Variants in CALB1 observed in about 807,000 individuals in gnomAD.
CALB1 encodes calbindin 1, also known as calbindin.
A neutral mutation model predicts 46.7 loss-of-function variants in CALB1; 16 were observed. That is an observed-to-expected ratio of 0.34 (90% CI 0.23 to 0.52). The LOEUF is 0.52. CALB1 is among the 20% of genes least tolerant of loss of function. The pLI is 0.95. For missense variants in CALB1, 224 were observed against 300.3 expected, an observed-to-expected ratio of 0.75 and a Z score of 1.88; for synonymous variants, 90 against 112.8, an observed-to-expected ratio of 0.80 and a Z score of 1.28.
intron 9 of CALB1, chr8:90,062,890 T>A (rs956262946): frequency 6.4e-6 from 3 of 465,590 alleles, no homozygotes; most frequent in Non-Finnish European, 1.1e-5. Context: ...TAGAATGTTA[T>A]TGCCAGGGCT....
chr8:90,082,879 T>C lies in CALB1; in HGVS notation c.-182A>G, dbSNP rs1429326683. The C allele has an allele frequency of 6.5e-6, 4 of 615,620 alleles. No homozygotes were observed. The highest frequency in any genetic ancestry group is 1.9e-5 in the South Asian group (1 of 51,906). 38.1% of individuals were successfully genotyped at this position (615,620 alleles called of 1,614,324 possible). On this transcript the variant is annotated 5_prime_UTR_variant, in exon 1 of 11. Coordinates refer to ENST00000265431, the MANE Select transcript of CALB1 (RefSeq NM_004929.4). ...CAGCGTTCCTCCAGAGTTCTCTCCCTACACCCCGCACCCAGTTCTCAGTAT... is the reference window on the plus strand; with the variant it reads ...CAGCGTTCCTCCAGAGTTCTCTCCCCACACCCCGCACCCAGTTCTCAGTAT...
At chr8:90,079,744 A>G (rs1814692833) in intron 2 of CALB1, among the ~76,000 whole-genome samples, 1 of 152,012 alleles carries the variant, frequency 6.6e-6, no homozygotes, top group Non-Finnish European at 1.5e-5. Context: ...CAAAGACCAA[A>G]CACTATGTTT....
At chr8:90,068,919 T>A in intron 5 of CALB1, 79 bp downstream of exon 5, 1 of 1,038,456 alleles carries the variant, frequency 9.6e-7, no homozygotes. Context: ...TTGTGGGAGG[T>A]TTTTTAAAAA....
At chr8:90,067,864 C>T (rs1326976787) in intron 5 of CALB1, among the ~76,000 whole-genome samples, 1 of 152,172 alleles carries the variant, frequency 6.6e-6, no homozygotes, top group Non-Finnish European at 1.5e-5. Context: ...TCAAATCTCT[C>T]TGCATTCCAA....
intron 3 of CALB1, among the ~76,000 whole-genome samples, chr8:90,070,133 G>C (rs1380703628): frequency 6.6e-6 from 1 of 152,072 alleles, no homozygotes; most frequent in Non-Finnish European, 1.5e-5. Context: ...GCAACCCCGA[G>C]CCATTTCTGG....
rs1814267982 is a variant in CALB1, at chr8:90,060,140, T to C, written c.*33A>G. 2 of 1,183,552 alleles carry C rather than the reference T, an allele frequency of 1.7e-6. No homozygotes were observed. The highest frequency in any genetic ancestry group is 2.5e-6 in the Non-Finnish European group (2 of 787,498). The allele number at this position is 1,183,552 out of a possible 1,614,324, so 73.3% of individuals were successfully genotyped here. A position where few individuals can be genotyped will look rare whatever the true frequency, so the allele number is the denominator to read the frequency against. ...GTGCACAGTTATTTTTTAGATACAG[T>C]GTATCACTAGCAAGTGGTTGCGGCC... On this transcript the variant is annotated 3_prime_UTR_variant, in exon 11 of 11. Coordinates refer to ENST00000265431, the MANE Select transcript of CALB1 (RefSeq NM_004929.4).
At chr8:90,065,746 A>T (rs1814383166) in intron 6 of CALB1, 152 bp downstream of exon 6, 1 of 582,302 alleles carries the variant, frequency 1.7e-6, no homozygotes. Context: ...AGCATCCCTA[A>T]GTATTTCACT....
chr8:90,081,148 T>G (rs1202379102), intron 2 of CALB1, among the ~76,000 whole-genome samples: 3 of 152,194 alleles, frequency 2.0e-5, no homozygotes, highest in Non-Finnish European at 4.4e-5. Flanking sequence ...ACAGGTTAAT[T>G]TATGCCCAAA....
chr8:90,059,556 T>A lies in CALB1; in HGVS notation c.*617A>T, dbSNP rs1262267237. On this transcript the variant is annotated 3_prime_UTR_variant, in exon 11 of 11. Coordinates refer to ENST00000265431, the MANE Select transcript of CALB1 (RefSeq NM_004929.4). ...GACAGATTTATGTGTCATCTGGTGC[T>A]CCCTTCCCTTGTCACATCAACTTGA... 6.6e-6 allele frequency: 1 copy of A among 152,184 alleles called. No homozygotes were observed. The highest frequency in any genetic ancestry group is 2.4e-5 in the African/African-American group (1 of 41,442). The allele number at this position is 152,184 out of a possible 1,614,324, so 9.4% of individuals were successfully genotyped here. A position where few individuals can be genotyped will look rare whatever the true frequency, so the allele number is the denominator to read the frequency against.
intron 2 of CALB1, 35 bp from the exon 3 acceptor site, chr8:90,078,482 A>T (rs755943830): frequency 1.7e-6 from 2 of 1,205,518 alleles, no homozygotes; most frequent in Non-Finnish European, 2.4e-6. Flanking sequence ...GAGGTTTGTT[A>T]AAAAAATACC....
chr8:90,073,983 T>G (rs1351534037), intron 3 of CALB1, among the ~76,000 whole-genome samples: 2 of 152,190 alleles, frequency 1.3e-5, no homozygotes, highest in African/African-American at 2.4e-5. Context: ...CATGGTATGT[T>G]AACATTCTTG....
intron 5 of CALB1, among the ~76,000 whole-genome samples, chr8:90,068,763 AT>A (rs1228592223): frequency 3.3e-5 from 5 of 152,136 alleles, no homozygotes; most frequent in African/African-American, 1.2e-4. Context: ...TCTGTCTTAT[AT>A]TTGTGTACAC....
chr8:90,072,106 G>C (rs1307733907), intron 3 of CALB1, among the ~76,000 whole-genome samples: 1 of 151,888 alleles, frequency 6.6e-6, no homozygotes, highest in Non-Finnish European at 1.5e-5. Context: ...AGTGTGTGTT[G>C]CTTTGAACAA....
Position 90,060,205 on chromosome 8 carries a change from G to A in CALB1, c.754C>T (p.Leu252Phe). The change falls in exon 11 of 11, where the codon CTT becomes TTT. Residue 252 changes from leucine to phenylalanine, a missense_variant. By Grantham distance (22) the Leu-to-Phe change is conservative. Transcript: ENST00000265431. Reference sequence around the variant, plus strand: ...TCCCCAGCACAGAGAATAAGAGCAAGATCCGTTCGGTACAGCTTCCCTCCA... The same window carrying A: ...TCCCCAGCACAGAGAATAAGAGCAAAATCCGTTCGGTACAGCTTCCCTCCA... ...SDGGKLYRTD[L>F]ALILCAGDN 6.2e-7 allele frequency: 1 copy of A among 1,613,538 alleles called. No individual in the cohort carries two copies. Among genetic ancestry groups the A allele is most frequent in the Non-Finnish European group, 8.5e-7 (1 of 1,179,468 alleles).
chr8:90,071,325 G>A (rs1046500921), intron 3 of CALB1, among the ~76,000 whole-genome samples: 6 of 152,084 alleles, frequency 3.9e-5, no homozygotes, highest in African/African-American at 7.2e-5. Context: ...CTAGTGGAAA[G>A]TAGCTATAAA....
chr8:90,075,532 A>C lies in CALB1; in HGVS notation c.231+2841T>G, dbSNP rs553040747. 2.0e-5 allele frequency among the ~76,000 whole-genome samples: 3 copies of C among 152,200 alleles called. 1 individual carries two copies. In the South Asian group the frequency reaches 6.2e-4, roughly 32 times the overall value. On this transcript the variant is annotated intron_variant, in intron 3 of 10. Transcript: ENST00000265431. ...GCTAGAATTTGTGTATTTGTGTTCT[A>C]TATTATTTATAGGATTTCTAAGCAA...
At chr8:90,077,669 T>C (rs996143876) in intron 3 of CALB1, among the ~76,000 whole-genome samples, 18 of 152,140 alleles carry the variant, frequency 1.2e-4, no homozygotes, top group African/African-American at 4.1e-4. Flanking sequence ...TGCAGAAGAA[T>C]TGATGCATAA....
chr8:90,060,364 G>T, intron 10 of CALB1, 78 bp from the exon 11 acceptor site: 1 of 891,190 alleles, frequency 1.1e-6, no homozygotes, highest in Non-Finnish European at 1.9e-6. Context: ...TAAAATGTGA[G>T]ATGAAACTAC....
At chr8:90,075,432 A>G (rs1814606504) in intron 3 of CALB1, among the ~76,000 whole-genome samples, 1 of 152,168 alleles carries the variant, frequency 6.6e-6, no homozygotes, top group Non-Finnish European at 1.5e-5. Flanking sequence ...CACCAAAGTT[A>G]ATGTGTGCTT....
Sources: gnomAD v4.1 joint callset for allele counts (sites outside exome capture counted in the v4.1 genomes callset) on GRCh38, gnomAD v4.1.1 for gene constraint, MANE v1.5 for transcripts, NCBI Gene and HGNC (gene_info 2026-07-23, HGNC 2026-07-21) for gene names.